Variants in GALNT13 observed in about 807,000 individuals in gnomAD.
The protein encoded by GALNT13 is polypeptide N-acetylgalactosaminyltransferase 13, also known as UDP-GalNAc:polypeptide N-acetylgalactosaminyltransferase 13.
Under a neutral mutation model 64.2 loss-of-function variants are expected in GALNT13, and 28 were observed. That is an observed-to-expected ratio of 0.44 (90% CI 0.32 to 0.60). The LOEUF (loss-of-function observed/expected upper bound fraction) is 0.60. Among genes scored for constraint, GALNT13 ranks in the 20% least tolerant of loss-of-function variants. GALNT13 has a pLI of 0.05. For synonymous variants in GALNT13, 214 were observed against 224.6 expected, an observed-to-expected ratio of 0.95 and a Z score of 0.42; for missense variants, 577 against 669.8, an observed-to-expected ratio of 0.86 and a Z score of 1.53.
At chr2:154,390,228 C>T (rs1210167514) in intron 9 of GALNT13, among the ~76,000 whole-genome samples, 1 of 152,032 alleles carries the variant, frequency 6.6e-6, no homozygotes, top group African/African-American at 2.4e-5. Flanking sequence ...GAATAAAAGA[C>T]AGATTTTTTT....
chr2:153,295,377 A>G, the GALNT13 span, among the ~76,000 whole-genome samples: 1 of 152,178 alleles, frequency 6.6e-6, no homozygotes, highest in South Asian at 2.1e-4. Flanking sequence ...TAAATCGTTT[A>G]TCTCACATTA....
At chr2:153,953,649 G>A (rs777021016) in intron 3 of GALNT13, among the ~76,000 whole-genome samples, 8 of 152,108 alleles carry the variant, frequency 5.3e-5, no homozygotes, top group African/African-American at 1.4e-4. Flanking sequence ...TGAAAACTCC[G>A]TGTTTTGTCT....
the GALNT13 span, among the ~76,000 whole-genome samples, chr2:153,833,566 CTT>C: frequency 6.6e-6 from 1 of 152,054 alleles, no homozygotes. Flanking sequence ...TTGATAATCT[CTT>C]AGTGTATCAA....
rs563563457 is a variant in GALNT13 at position 154,176,603 on chromosome 2, A to T, written c.311+36098A>T. Among the ~76,000 whole-genome samples the T allele has an allele frequency of 3.9e-4, 60 of 152,230 alleles. 4 individuals carry two copies. Among genetic ancestry groups the T allele is most frequent in the African/African-American group, 1.2e-3 (49 of 41,546 alleles). On this transcript the variant is annotated intron_variant, in intron 4 of 12. Transcript: ENST00000392825. ...ATTCATTTTAAGAATTCCTGATATC[A>T]AAAGAATAACAAGACAGCTATTTGG...
chr2:153,601,013 T>C, the GALNT13 span, among the ~76,000 whole-genome samples: 1 of 151,836 alleles, frequency 6.6e-6, no homozygotes, highest in African/African-American at 2.4e-5. Context: ...TCTAATTTCA[T>C]ATGTATATTA....
intron 6 of GALNT13, among the ~76,000 whole-genome samples, chr2:154,244,767 A>G (rs1481860260): frequency 6.6e-6 from 1 of 152,140 alleles, no homozygotes; most frequent in Non-Finnish European, 1.5e-5. Context: ...GATTTTCCCA[A>G]ATGAAATTTT....
chr2:153,261,763 C>G, the GALNT13 span, among the ~76,000 whole-genome samples: 1 of 150,880 alleles, frequency 6.6e-6, no homozygotes, highest in African/African-American at 2.4e-5. Context: ...GAGCTGGCCC[C>G]CAAGCCATGA....
At chr2:153,345,691 CTTTCTT>C in the GALNT13 span, among the ~76,000 whole-genome samples, 1 of 127,994 alleles carries the variant, frequency 7.8e-6, no homozygotes. Flanking sequence ...TTCTTTCTTT[CTTTCTT>C]TCTTTCTCTT....
the GALNT13 span, among the ~76,000 whole-genome samples, chr2:153,835,444 A>G: frequency 6.6e-6 from 1 of 152,028 alleles, no homozygotes; most frequent in Non-Finnish European, 1.5e-5. Context: ...TACCAGTGAT[A>G]GTTTGAGTAA....
intron 11 of GALNT13, among the ~76,000 whole-genome samples, chr2:154,431,845 C>A (rs1334814960): frequency 6.6e-6 from 1 of 152,214 alleles, no homozygotes; most frequent in Non-Finnish European, 1.5e-5. Flanking sequence ...CGCTCTCTTG[C>A]CTGCCACCAT....
chr2:153,961,728 C>G (rs1284152649), intron 3 of GALNT13, among the ~76,000 whole-genome samples: 2 of 152,100 alleles, frequency 1.3e-5, no homozygotes, highest in Non-Finnish European at 2.9e-5. Flanking sequence ...ATCAAATTTT[C>G]AATTCCACAA....
the GALNT13 span, among the ~76,000 whole-genome samples, chr2:153,331,772 T>C: frequency 6.6e-6 from 1 of 152,116 alleles, no homozygotes; most frequent in East Asian, 1.9e-4. Context: ...AGATCAATAC[T>C]TTGTATGCTT....
At chr2:153,746,611 T>A in the GALNT13 span, among the ~76,000 whole-genome samples, 1 of 152,180 alleles carries the variant, frequency 6.6e-6, no homozygotes, top group South Asian at 2.1e-4. Flanking sequence ...TTAGTACATG[T>A]CTTTTGGAGA....
chr2:153,520,825 T>C, the GALNT13 span, among the ~76,000 whole-genome samples: 1 of 152,162 alleles, frequency 6.6e-6, no homozygotes, highest in Admixed American at 6.5e-5. Flanking sequence ...CTGAATAATT[T>C]CCTTTCCGTA....
the GALNT13 span, among the ~76,000 whole-genome samples, chr2:153,084,402 T>G: frequency 0.38 from 57,987 of 152,066 alleles, 11,375 homozygotes; most frequent in Non-Finnish European, 0.43. Flanking sequence ...TTATGTCATC[T>G]ATGATTTCTT....
the GALNT13 span, among the ~76,000 whole-genome samples, chr2:153,550,411 T>C: frequency 7.9e-5 from 12 of 152,118 alleles, 1 homozygote; most frequent in African/African-American, 2.7e-4. Flanking sequence ...TTTTTTTTTT[T>C]AAGTAGAGAT....
At chr2:154,231,685 G>T (rs1688923301) in intron 4 of GALNT13, among the ~76,000 whole-genome samples, 1 of 150,704 alleles carries the variant, frequency 6.6e-6, no homozygotes, top group Non-Finnish European at 1.5e-5. Flanking sequence ...AAGATAAAAT[G>T]TCTTTCCTCA....
chr2:153,616,857 A>G, the GALNT13 span, among the ~76,000 whole-genome samples: 1 of 152,158 alleles, frequency 6.6e-6, no homozygotes, highest in Middle Eastern at 3.4e-3. Flanking sequence ...ATAACTCTAT[A>G]TCATCTACAA....
chr2:153,359,367 T>A, the GALNT13 span, among the ~76,000 whole-genome samples: 1 of 152,120 alleles, frequency 6.6e-6, no homozygotes, highest in Non-Finnish European at 1.5e-5. Flanking sequence ...TTAATTTTTG[T>A]CAAAGTGATT....
Sources: gnomAD v4.1 joint callset for allele counts (sites outside exome capture counted in the v4.1 genomes callset) on GRCh38, gnomAD v4.1.1 for gene constraint, MANE v1.5 for transcripts, NCBI Gene and HGNC (gene_info 2026-07-23, HGNC 2026-07-21) for gene names.